The following HDAC9 variants were observed in gnomAD, a reference collection of about 807,000 sequenced individuals.
HDAC9 encodes the protein MEF-2 interacting transcription repressor (MITR) protein.
HDAC9 carries 41 observed loss-of-function variants against 139.4 expected under a neutral mutation model. That is an observed-to-expected ratio of 0.29 (90% CI 0.23 to 0.38). The LOEUF is 0.38. HDAC9 is among the 10% of genes least tolerant of loss of function. The pLI is 1.00. For missense variants in HDAC9, 1,147 were observed against 1,297.0 expected, an observed-to-expected ratio of 0.88 and a Z score of 1.78; for synonymous variants, 517 against 476.2, an observed-to-expected ratio of 1.09 and a Z score of -1.12.
At chr7:18,320,941 A>G (rs1316074914) in intron 1 of HDAC9, among the ~76,000 whole-genome samples, 1 of 152,224 alleles carries the variant, frequency 6.6e-6, no homozygotes, top group Non-Finnish European at 1.5e-5. Context: ...CATGGTTTAG[A>G]GGAAGAGAGA....
At chr7:18,653,820 A>G (rs371549539) in intron 11 of HDAC9, among the ~76,000 whole-genome samples, 1 of 152,082 alleles carries the variant, frequency 6.6e-6, no homozygotes, top group Non-Finnish European at 1.5e-5. Context: ...TTTGAGTAGT[A>G]TCTGTATTAT....
chr7:18,268,261 A>T (rs1415408485), intron 2 of HDAC9, among the ~76,000 whole-genome samples: 2 of 152,138 alleles, frequency 1.3e-5, no homozygotes, highest in African/African-American at 2.4e-5. Flanking sequence ...GTCCATGTCC[A>T]TGTTTTATTG....
intron 2 of HDAC9, among the ~76,000 whole-genome samples, chr7:18,576,017 A>G (rs1223698957): frequency 2.0e-5 from 3 of 152,252 alleles, no homozygotes; most frequent in Non-Finnish European, 2.9e-5. Context: ...AAACTCAGAA[A>G]AACATCTATA....
chr7:18,139,563 G>C (rs946318548), intron 1 of HDAC9, among the ~76,000 whole-genome samples: 4 of 152,102 alleles, frequency 2.6e-5, no homozygotes, highest in Admixed American at 6.5e-5. Flanking sequence ...TTTACAAACT[G>C]TTTTGTAATA....
rs189306017 is a variant in HDAC9, at chr7:18,281,250, G to A, written c.25+118901G>A. 1.6e-4 allele frequency among the ~76,000 whole-genome samples: 24 copies of A among 152,330 alleles called. 1 individual carries two copies. The Middle Eastern group carries it at 0.01, about 65-fold the overall frequency. ...CTGGAGGATGATAAACTTTCTATAT[G>A]ATGACCTTGTTTTATCGTGGTATTA... is the stretch of plus-strand genomic sequence containing the variant. On this transcript the variant is annotated intron_variant, in intron 2 of 12. Coordinates refer to the HDAC9 transcript ENST00000417496.
chr7:18,458,121 G>T (rs1793508959), intron 1 of HDAC9, among the ~76,000 whole-genome samples: 2 of 152,140 alleles, frequency 1.3e-5, no homozygotes. Flanking sequence ...CAACTCTTTG[G>T]CATTTTGCCC....
intron 1 of HDAC9, among the ~76,000 whole-genome samples, chr7:18,414,988 T>C (rs1298398773): frequency 6.6e-6 from 1 of 152,222 alleles, no homozygotes; most frequent in African/African-American, 2.4e-5. Flanking sequence ...TGTGTGCCTC[T>C]TTCTTTTCTC....
chr7:18,669,230 C>G (rs1201795918), intron 12 of HDAC9, among the ~76,000 whole-genome samples: 1 of 151,732 alleles, frequency 6.6e-6, no homozygotes, highest in East Asian at 1.9e-4. Context: ...AAGCTTAACA[C>G]AATCCCTTGA....
intron 2 of HDAC9, among the ~76,000 whole-genome samples, chr7:18,262,115 A>T (rs1486180473): frequency 2.6e-5 from 4 of 152,264 alleles, no homozygotes; most frequent in African/African-American, 9.6e-5. Flanking sequence ...TTCTTTAAAA[A>T]TAAAACCAAA....
intron 2 of HDAC9, among the ~76,000 whole-genome samples, chr7:18,233,276 A>G (rs1793591330): frequency 6.6e-6 from 1 of 152,012 alleles, no homozygotes; most frequent in South Asian, 2.1e-4. Context: ...GCATCAAGCA[A>G]TTTGTTTTAC....
intron 22 of HDAC9, among the ~76,000 whole-genome samples, chr7:18,903,345 T>C (rs1393765942): frequency 2.0e-5 from 3 of 152,366 alleles, no homozygotes; most frequent in African/African-American, 7.2e-5. Context: ...AAAATACTTG[T>C]GTGGCGCCTA....
In HDAC9 at chr7:18,848,438, G is replaced by C. The variant is rs192341492; in HGVS notation, c.2684+12441G>C. Among the ~76,000 whole-genome samples, 336 of 152,078 alleles carry C rather than the reference G, an allele frequency of 2.2e-3. 4 individuals carry two copies. Among genetic ancestry groups the C allele is most frequent in the Non-Finnish European group, 3.8e-3 (256 of 68,010 alleles). On this transcript the variant is annotated intron_variant, in intron 21 of 25. Transcript: ENST00000686413. ...AATTAGGGTTAGATGGAATCTTGAG[G>C]GTAGGTGCCCTTATGAGCAGTGACA...
chr7:18,996,336 G>A lies in HDAC9; in HGVS notation c.*274G>A. ...TTCCAGCATGCTTTTAATATGCTGG[G>A]TGACCCACTCCTAGACACCAAGTTT... On this transcript the variant is annotated 3_prime_UTR_variant, in exon 26 of 26. Transcript: ENST00000686413. 5.6e-6 allele frequency: 2 copies of A among 357,524 alleles called. No individual in the cohort carries two copies. Among genetic ancestry groups the A allele is most frequent in the Non-Finnish European group, 1.1e-5 (2 of 190,192 alleles). 22.1% of individuals were successfully genotyped at this position (357,524 alleles called of 1,614,324 possible). A position where few individuals can be genotyped will look rare whatever the true frequency, so the allele number is the denominator to read the frequency against.
At chr7:18,688,070 T>C (rs925846953) in intron 12 of HDAC9, among the ~76,000 whole-genome samples, 2 of 151,838 alleles carry the variant, frequency 1.3e-5, no homozygotes, top group Non-Finnish European at 2.9e-5. Context: ...AAAATGACTA[T>C]ATATACACAC....
chr7:18,297,420 A>G (rs959003159), intron 1 of HDAC9, among the ~76,000 whole-genome samples: 20 of 152,232 alleles, frequency 1.3e-4, no homozygotes, highest in Admixed American at 1.2e-3. Flanking sequence ...TCTTTGGTCC[A>G]TGTGTCTGCA....
At chr7:18,331,713 C>G (rs1045526583) in intron 1 of HDAC9, among the ~76,000 whole-genome samples, 2 of 151,576 alleles carry the variant, frequency 1.3e-5, no homozygotes. Context: ...AGTATACTAC[C>G]TACCTTATTC....
chr7:18,804,219 A>G (rs1236021245), intron 17 of HDAC9, among the ~76,000 whole-genome samples: 2 of 152,172 alleles, frequency 1.3e-5, no homozygotes, highest in African/African-American at 4.8e-5. Flanking sequence ...AATATTCCAC[A>G]CAGGAAAAAA....
At chr7:18,252,943 G>T (rs1325666152) in intron 2 of HDAC9, among the ~76,000 whole-genome samples, 1 of 152,070 alleles carries the variant, frequency 6.6e-6, no homozygotes, top group Non-Finnish European at 1.5e-5. Context: ...AGTGTGTGTT[G>T]TTCCCCTCTA....
At chr7:18,166,064 G>A (rs571616347) in intron 2 of HDAC9, among the ~76,000 whole-genome samples, 2 of 152,238 alleles carry the variant, frequency 1.3e-5, no homozygotes, top group East Asian at 3.9e-4. Context: ...AATAAATTGG[G>A]CTACATCAAC....
Sources: gnomAD v4.1 joint callset for allele counts (sites outside exome capture counted in the v4.1 genomes callset) on GRCh38, gnomAD v4.1.1 for gene constraint, MANE v1.5 for transcripts, NCBI Gene and HGNC (gene_info 2026-07-23, HGNC 2026-07-21) for gene names.